The following SPATA6 variants were observed in gnomAD, a reference collection of about 807,000 sequenced individuals.
The protein encoded by SPATA6 is spermatogenesis-associated protein 6.
In SPATA6, 56 loss-of-function variants were observed where a neutral mutation model predicts 65.3. The ratio of observed to expected loss-of-function variants is 0.86; its 90% confidence interval spans 0.69 to 1.07. The LOEUF (loss-of-function observed/expected upper bound fraction) is 1.07. Among genes scored for constraint, SPATA6 ranks in the 50% least tolerant of loss-of-function variants. SPATA6 has a pLI of 0.00. For missense variants in SPATA6, 590 were observed against 594.8 expected, an observed-to-expected ratio of 0.99 and a Z score of 0.08; for synonymous variants, 199 against 213.2, an observed-to-expected ratio of 0.93 and a Z score of 0.58.
At chr1:48,325,614 T>C (rs1645735338) in intron 11 of SPATA6, 2 of 770,582 alleles carry the variant, frequency 2.6e-6, no homozygotes, top group Non-Finnish European at 4.6e-6. Context: ...TTGTGGGCAG[T>C]GTTGAACTAT....
intron 5 of SPATA6, among the ~76,000 whole-genome samples, chr1:48,405,128 G>C (rs1357523572): frequency 6.6e-6 from 1 of 152,140 alleles, no homozygotes; most frequent in Non-Finnish European, 1.5e-5. Flanking sequence ...ACAATTGACT[G>C]AACTGATGTA....
intron 11 of SPATA6, among the ~76,000 whole-genome samples, chr1:48,322,082 G>C (rs1210660206): frequency 6.6e-6 from 1 of 151,972 alleles, no homozygotes; most frequent in Non-Finnish European, 1.5e-5. Context: ...GGAAAAAAAA[G>C]ACAAAATTCT....
chr1:48,384,113 C>T (rs1443563154), intron 9 of SPATA6, among the ~76,000 whole-genome samples: 1 of 150,622 alleles, frequency 6.6e-6, no homozygotes, highest in African/African-American at 2.5e-5. Context: ...GCTGGCGGAT[C>T]ACTCGTGGCT....
At chr1:48,434,297 C>T (rs1040519726) in intron 3 of SPATA6, among the ~76,000 whole-genome samples, 46 of 150,122 alleles carry the variant, frequency 3.1e-4, no homozygotes, top group Admixed American at 2.0e-3. Flanking sequence ...ATCTCTACTC[C>T]TATAAAACTG....
chr1:48,263,797 T>C, the SPATA6 span, among the ~76,000 whole-genome samples: 2 of 152,224 alleles, frequency 1.3e-5, no homozygotes, highest in Non-Finnish European at 2.9e-5. Context: ...TTGAAAGTTC[T>C]GTGAGAACAT....
chr1:48,410,004 T>G (rs1191448254), intron 5 of SPATA6, among the ~76,000 whole-genome samples: 1 of 152,248 alleles, frequency 6.6e-6, no homozygotes, highest in African/African-American at 2.4e-5. Flanking sequence ...TTATGCAAAT[T>G]TCTACAGCTG....
intron 3 of SPATA6, among the ~76,000 whole-genome samples, chr1:48,414,964 G>A (rs535439639): frequency 3.3e-5 from 5 of 151,358 alleles, no homozygotes; most frequent in African/African-American, 1.2e-4. Context: ...AAGAACAGCT[G>A]GATAATATAA....
intron 11 of SPATA6, among the ~76,000 whole-genome samples, chr1:48,341,809 G>T (rs1646223473): frequency 6.6e-6 from 1 of 152,168 alleles, no homozygotes; most frequent in African/African-American, 2.4e-5. Flanking sequence ...GCTTAGTTAA[G>T]TTGAGAAAGG....
intron 3 of SPATA6, chr1:48,437,037 G>A: frequency 6.2e-7 from 1 of 1,606,432 alleles, no homozygotes; most frequent in Admixed American, 1.7e-5. Context: ...CTGAGAAAAG[G>A]CCATCAGCAA....
intron 11 of SPATA6, among the ~76,000 whole-genome samples, chr1:48,318,967 A>T (rs1046857260): frequency 7.9e-5 from 12 of 152,220 alleles, no homozygotes; most frequent in Non-Finnish European, 1.6e-4. Context: ...AAACCCATAC[A>T]TTTATAGTCA....
downstream of SPATA6, among the ~76,000 whole-genome samples, chr1:48,294,736 C>G (rs1644789687): frequency 6.6e-6 from 1 of 152,174 alleles, no homozygotes; most frequent in African/African-American, 2.4e-5. Context: ...TTTCAATATT[C>G]AGCTCAATGG....
chr1:48,380,427 G>C (rs139894714), intron 9 of SPATA6, among the ~76,000 whole-genome samples: 1 of 152,154 alleles, frequency 6.6e-6, no homozygotes, highest in Non-Finnish European at 1.5e-5. Context: ...AGAGTGGAAA[G>C]GAATTAAAGG....
chr1:48,381,553 C>T (rs1222079927), intron 9 of SPATA6, among the ~76,000 whole-genome samples: 1 of 148,022 alleles, frequency 6.8e-6, no homozygotes, highest in African/African-American at 2.5e-5. Context: ...ACCAGTAGCA[C>T]AAAATAGTTT....
chr1:48,293,381 G>T (rs1356750500), downstream of SPATA6, among the ~76,000 whole-genome samples: 1 of 152,080 alleles, frequency 6.6e-6, no homozygotes, highest in Non-Finnish European at 1.5e-5. Context: ...GTTTTGGTTT[G>T]GTTTTGCTTT....
chr1:48,277,096 T>C, the SPATA6 span, among the ~76,000 whole-genome samples: 3 of 150,366 alleles, frequency 2.0e-5, no homozygotes, highest in East Asian at 3.9e-4. Flanking sequence ...TCTTTGTTTT[T>C]TGCTTTTTTT....
At chr1:48,423,021 T>G (rs1653493543) in intron 3 of SPATA6, among the ~76,000 whole-genome samples, 1 of 152,172 alleles carries the variant, frequency 6.6e-6, no homozygotes, top group South Asian at 2.1e-4. Context: ...AAGAATGAAC[T>G]ACTGGGACAT....
At chr1:48,282,269 C>T in the SPATA6 span, among the ~76,000 whole-genome samples, 1 of 152,114 alleles carries the variant, frequency 6.6e-6, no homozygotes, top group Non-Finnish European at 1.5e-5. Flanking sequence ...AGGACATAGG[C>T]ATGGGCAAGG....
the SPATA6 span, among the ~76,000 whole-genome samples, chr1:48,274,426 C>G: frequency 6.6e-6 from 1 of 152,102 alleles, no homozygotes. Context: ...AGACTTATGT[C>G]CTGAATGGTA....
At chr1:48,400,654 T>C (rs1225708257) in intron 6 of SPATA6, 2 of 468,002 alleles carry the variant, frequency 4.3e-6, no homozygotes, top group Non-Finnish European at 6.8e-6. Flanking sequence ...AAAATACAAA[T>C]GTGAATAGGA....
Sources: allele counts gnomAD v4.1 joint callset (sites outside exome capture counted in the v4.1 genomes callset), GRCh38; gene constraint gnomAD v4.1.1; transcripts MANE v1.5; gene names NCBI Gene and HGNC (gene_info 2026-07-23, HGNC 2026-07-21).